PALM: variants seen among roughly 807,000 people sequenced by gnomAD.
The protein encoded by PALM is paralemmin, also known as paralemmin-1.
PALM carries 18 observed loss-of-function variants against 30.7 expected under a neutral mutation model. The observed-to-expected ratio is 0.59, with a 90% CI of 0.41 to 0.87. The LOEUF (loss-of-function observed/expected upper bound fraction) is 0.87. PALM is among the 40% of genes least tolerant of loss of function. The pLI, the probability that PALM is intolerant of heterozygous loss-of-function variation, is 0.00. For synonymous variants in PALM, 286 were observed against 242.8 expected, an observed-to-expected ratio of 1.18 and a Z score of -1.66; for missense variants, 529 against 555.4, an observed-to-expected ratio of 0.95 and a Z score of 0.48.
In PALM at chr19:709,675, C is replaced by T. The variant is rs541494307; in HGVS notation, c.5+524C>T. ...AAGGGCCTCCAGGGGTGTCCTGAGC[C>T]CCCCGCCACTGCGCAGGTCCCGAGT... On this transcript the variant is annotated intron_variant, in intron 1 of 8. Transcript: ENST00000338448. This position sits in a 1 kb window ranked among gnomAD's most constrained non-coding sequence, Gnocchi z 4.3. 0.03 allele frequency among the ~76,000 whole-genome samples: 4,565 copies of T among 152,242 alleles called. 115 individuals are homozygous for T. Among genetic ancestry groups the T allele is most frequent in the Non-Finnish European group, 0.044 (2,993 of 67,972 alleles).
chr19:716,841 T>A (rs575141261), intron 1 of PALM, among the ~76,000 whole-genome samples: 2 of 152,160 alleles, frequency 1.3e-5, no homozygotes, highest in African/African-American at 4.8e-5. Context: ...TGTATATCAT[T>A]CTTAACAGCT....
chr19:718,472 C>T (rs2032341371), intron 1 of PALM, among the ~76,000 whole-genome samples: 1 of 152,140 alleles, frequency 6.6e-6, no homozygotes, highest in Admixed American at 6.5e-5. Context: ...CCCTGAGACC[C>T]TGCTGAAAGC....
Position 709,938 on chromosome 19 carries a change from C to T in PALM, c.5+787C>T, listed in dbSNP as rs993439962. Among the ~76,000 whole-genome samples, 8 of 152,082 alleles carry T rather than the reference C, an allele frequency of 5.3e-5. No homozygotes were observed. Among genetic ancestry groups the T allele is most frequent in the African/African-American group, 1.2e-4 (5 of 41,408 alleles). The stretch of plus-strand genomic sequence containing the variant: ...GGGGGGGGGTGGCCAGTGGAGGCAC[C>T]GAGCGAGGGCGCGTGGTCATTTCGG... On this transcript the variant is annotated intron_variant, in intron 1 of 8. Coordinates refer to ENST00000338448, the MANE Select transcript of PALM (RefSeq NM_002579.3). This position sits in a 1 kb window ranked among gnomAD's most constrained non-coding sequence, Gnocchi z 4.3.
Position 741,390 on chromosome 19 carries a change from G to GGGGT in PALM, c.634+908_634+909insGGTG, listed in dbSNP as rs1189378686. On this transcript the variant is annotated intron_variant, in intron 8 of 8. Coordinates refer to ENST00000338448, the MANE Select transcript of PALM (RefSeq NM_002579.3). ...GAGGGCTGAGGGGAGTTGGGCTGCA[G>GGGGT]GAGTGAGGGGAGACGGGCTGCAGGG... Among the ~76,000 whole-genome samples the GGGGT allele has an allele frequency of 6.6e-3, 964 of 145,670 alleles. 331 individuals carry two copies. The highest frequency in any genetic ancestry group is 9.6e-3 in the Non-Finnish European group (634 of 65,936).
In PALM at chr19:709,773, C is replaced by G. The variant is rs1599128948; in HGVS notation, c.5+622C>G. Reference sequence around the variant, plus strand: ...GTGTGTGAGAAGGGAGAGGAACCGGCGTTTTCCAGCGGGGCGCCTGGGTGG... The same window carrying G: ...GTGTGTGAGAAGGGAGAGGAACCGGGGTTTTCCAGCGGGGCGCCTGGGTGG... On this transcript the variant is annotated intron_variant, in intron 1 of 8. Transcript: ENST00000338448. The surrounding 1 kb of genome is among the most constrained non-coding windows in gnomAD (Gnocchi z 4.3). Among the ~76,000 whole-genome samples the G allele has an allele frequency of 6.6e-6, 1 of 152,252 alleles. No homozygotes were observed. Among genetic ancestry groups the G allele is most frequent in the East Asian group, 1.9e-4 (1 of 5,164 alleles).
At chr19:724,899 C>T (rs2144874247) in intron 1 of PALM, among the ~76,000 whole-genome samples, 1 of 151,368 alleles carries the variant, frequency 6.6e-6, no homozygotes, top group South Asian at 2.1e-4. Context: ...GCTAAAATTA[C>T]AGGCGTGAGC....
rs920227094 is a variant in PALM at position 746,027 on chromosome 19, C to A, written c.635-258C>A. ...GAGCTGAGATCACGCCATTGCACTC[C>A]AGCCTGGGCGACAGAGTGAGACTCC... On this transcript the variant is annotated intron_variant, in intron 8 of 8. Coordinates refer to ENST00000338448, the MANE Select transcript of PALM (RefSeq NM_002579.3). This position sits in a 1 kb window ranked among gnomAD's most constrained non-coding sequence, Gnocchi z 7.1. Among the ~76,000 whole-genome samples, 1 of 152,224 alleles carries A rather than the reference C, an allele frequency of 6.6e-6. No individual in the cohort carries two copies. Among genetic ancestry groups the A allele is most frequent in the Non-Finnish European group, 1.5e-5 (1 of 68,038 alleles).
chr19:716,579 C>T (rs573645752), intron 1 of PALM, among the ~76,000 whole-genome samples: 101 of 152,172 alleles, frequency 6.6e-4, no homozygotes, highest in Non-Finnish European at 8.7e-4. Flanking sequence ...CCCTGAAGGC[C>T]GGGGAGGGAC....
intron 2 of PALM, 43 bp from the exon 3 acceptor site, chr19:726,965 G>GGGGGGCGGGGGC: frequency 9.6e-7 from 1 of 1,037,618 alleles, no homozygotes. Context: ...GGGTCTCCGG[G>GGGGGGCGGGGGC]ACCCCCACGC....
chr19:722,828 C>G (rs959746241), intron 1 of PALM: 2 of 152,256 alleles, frequency 1.3e-5, no homozygotes, highest in African/African-American at 4.8e-5. Flanking sequence ...CAGCTGAACC[C>G]AGCCTCCCTG....
intron 8 of PALM, among the ~76,000 whole-genome samples, chr19:743,360 T>G (rs919558554): frequency 6.6e-6 from 1 of 152,208 alleles, no homozygotes; most frequent in Non-Finnish European, 1.5e-5. Context: ...CCTGCCAGGC[T>G]GGACACTGGT....
intron 1 of PALM, among the ~76,000 whole-genome samples, chr19:710,029 C>T (rs2032020466): frequency 6.6e-6 from 1 of 152,290 alleles, no homozygotes; most frequent in African/African-American, 2.4e-5. Flanking sequence ...GTGGGCACTG[C>T]ACGGGCAGGG....
chr19:732,228 T>C (rs538117170), intron 5 of PALM, among the ~76,000 whole-genome samples: 6 of 152,354 alleles, frequency 3.9e-5, no homozygotes, highest in African/African-American at 1.4e-4. Context: ...ATCTGTTTCA[T>C]GTGGCCAAGG....
intron 8 of PALM, among the ~76,000 whole-genome samples, chr19:744,885 C>CAA (rs796441701): frequency 7.0e-5 from 7 of 100,114 alleles, no homozygotes; most frequent in African/African-American, 1.9e-4. Context: ...CAGAGGGAGT[C>CAA]AAAAAAAAAA....
intron 1 of PALM, among the ~76,000 whole-genome samples, chr19:718,130 C>T (rs1480515859): frequency 1.3e-5 from 2 of 152,118 alleles, no homozygotes; most frequent in African/African-American, 4.8e-5. Context: ...TGCAGCGAGC[C>T]GAGATCGCGC....
At chr19:712,589 T>G (rs568318024) in intron 1 of PALM, among the ~76,000 whole-genome samples, 1 of 151,308 alleles carries the variant, frequency 6.6e-6, no homozygotes, top group East Asian at 2.0e-4. Flanking sequence ...TTCACAGTGT[T>G]AGCCAGGATG....
chr19:713,051 G>C (rs1045279313), intron 1 of PALM, among the ~76,000 whole-genome samples: 2 of 152,148 alleles, frequency 1.3e-5, no homozygotes, highest in Non-Finnish European at 1.5e-5. Context: ...CACATGTAAG[G>C]ACACACAGCT....
At chr19:720,646 C>T (rs1193715060) in intron 1 of PALM, among the ~76,000 whole-genome samples, 4 of 89,938 alleles carry the variant, frequency 4.4e-5, no homozygotes, top group Non-Finnish European at 9.1e-5. Flanking sequence ...CTGCGGGGGC[C>T]AGGGGGGCGC....
At chr19:732,619 A>C (rs1215599041) in intron 5 of PALM, among the ~76,000 whole-genome samples, 2 of 151,934 alleles carry the variant, frequency 1.3e-5, no homozygotes, top group Non-Finnish European at 2.9e-5. Flanking sequence ...ACTTGTACCC[A>C]GGGGGCAGAG....
Sources: gnomAD v4.1 joint callset for allele counts (sites outside exome capture counted in the v4.1 genomes callset) on GRCh38, gnomAD v4.1.1 for gene constraint, Gnocchi (gnomAD v3.1) non-coding constraint, MANE v1.5 for transcripts, NCBI Gene and HGNC (gene_info 2026-07-23, HGNC 2026-07-21) for gene names.